Variants in PATJ observed in about 807,000 individuals in gnomAD.
The protein encoded by PATJ is PATJ crumbs cell polarity complex component.
A neutral mutation model predicts 224.9 loss-of-function variants in PATJ; 190 were observed. That is an observed-to-expected ratio of 0.84 (90% confidence interval 0.75 to 0.95). The LOEUF is 0.95. Among genes scored for constraint, PATJ ranks in the 40% least tolerant of loss-of-function variants. The pLI is 0.00. For missense variants in PATJ, 2,121 were observed against 2,270.3 expected (o/e 0.93, Z 1.34); for synonymous variants, 769 against 820.3 (o/e 0.94, Z 1.07).
intron 30 of PATJ, 128 bp downstream of exon 30, chr1:62,038,177 T>C: frequency 1.9e-6 from 1 of 518,952 alleles, no homozygotes; most frequent in Non-Finnish European, 3.5e-6. Context: ...CTAACCAAAA[T>C]GGAAAGTATT....
intron 21 of PATJ, among the ~76,000 whole-genome samples, chr1:61,881,460 G>A (rs1409358963): frequency 5.4e-5 from 8 of 147,794 alleles, no homozygotes; most frequent in Middle Eastern, 3.5e-3. Flanking sequence ...ACTCAGGCTG[G>A]AAGTGCAGTG....
chr1:61,823,221 T>G (rs2148725300), intron 15 of PATJ, 142 bp downstream of exon 15: 1 of 738,520 alleles, frequency 1.4e-6, no homozygotes. Flanking sequence ...CCGAACAGCT[T>G]ACTGGATGAT....
intron 21 of PATJ, among the ~76,000 whole-genome samples, chr1:61,879,026 C>T (rs534561206): frequency 1.3e-5 from 2 of 152,280 alleles, no homozygotes; most frequent in African/African-American, 2.4e-5. Flanking sequence ...CCTCATGATC[C>T]GCCCACCTTG....
chr1:61,794,420 C>T (rs1465235041), intron 9 of PATJ, among the ~76,000 whole-genome samples: 4 of 152,154 alleles, frequency 2.6e-5, no homozygotes, highest in Admixed American at 2.6e-4. Context: ...GCTGGGATTA[C>T]AACTGTGAAC....
At chr1:61,987,106 G>A (rs116686373) in intron 27 of PATJ, among the ~76,000 whole-genome samples, 3,650 of 151,646 alleles carry the variant, frequency 0.024, 92 homozygotes, top group African/African-American at 0.056. Context: ...TTAAGATCTT[G>A]GGTTTTTTGC....
At chr1:61,811,547 A>G (rs369966407) in intron 14 of PATJ, among the ~76,000 whole-genome samples, 4 of 151,482 alleles carry the variant, frequency 2.6e-5, no homozygotes, top group Admixed American at 2.6e-4. Flanking sequence ...TATTTTTATT[A>G]TTATCATATA....
At chr1:62,013,927 C>T (rs188107599) in intron 28 of PATJ, among the ~76,000 whole-genome samples, 44 of 152,308 alleles carry the variant, frequency 2.9e-4, no homozygotes, top group Non-Finnish European at 5.0e-4. Context: ...GCGCCTGACA[C>T]GATGCCCAGC....
intron 14 of PATJ, among the ~76,000 whole-genome samples, chr1:61,813,676 A>T (rs2148666682): frequency 6.6e-6 from 1 of 152,156 alleles, no homozygotes; most frequent in East Asian, 1.9e-4. Context: ...CGTATAGGTG[A>T]TATGTGCCAT....
At chr1:61,903,527 A>T (rs2149176426) in intron 24 of PATJ, among the ~76,000 whole-genome samples, 1 of 152,032 alleles carries the variant, frequency 6.6e-6, no homozygotes, top group Non-Finnish European at 1.5e-5. Context: ...ATTCTTACTA[A>T]TTTTTTTGGT....
At position 61,747,186 on chromosome 1, in the gene PATJ, CTATGT is replaced by C. The variant is rs113191986; in HGVS notation, c.-36+4633_-36+4637del. Among the ~76,000 whole-genome samples the C allele has an allele frequency of 2.2e-3, 317 of 146,730 alleles. 2 individuals are homozygous for C. The highest frequency in any genetic ancestry group is 7.3e-3 in the African/African-American group (303 of 41,308). On this transcript the variant is annotated intron_variant, in intron 1 of 43. Coordinates refer to ENST00000642238, the MANE Select transcript of PATJ (RefSeq NM_001350145.3). ...TACCTTGGTATTTGCATGACCATTGCTATGTTTTCTTCCTTAGGGTTTTGTGTAGA... is the reference window on the plus strand; with the variant it reads ...TACCTTGGTATTTGCATGACCATTGCTTTCTTCCTTAGGGTTTTGTGTAGA...
intron 5 of PATJ, among the ~76,000 whole-genome samples, chr1:61,770,797 CTACTCG>C (rs1646556650): frequency 6.6e-6 from 1 of 151,844 alleles, no homozygotes; most frequent in South Asian, 2.1e-4. Context: ...GTAGTCTCAG[CTACTCG>C]TGAGACTGAG....
chr1:62,104,347 A>G (rs1254847975), intron 33 of PATJ, among the ~76,000 whole-genome samples: 4 of 152,116 alleles, frequency 2.6e-5, no homozygotes, highest in African/African-American at 9.7e-5. Context: ...ATCCCAACCC[A>G]GTATCTTTTT....
At chr1:61,797,225 G>A in intron 10 of PATJ, 62 bp from the exon 11 acceptor site, 1 of 1,537,918 alleles carries the variant, frequency 6.5e-7, no homozygotes, top group African/African-American at 1.4e-5. Flanking sequence ...ATTCAGTGTT[G>A]CCAGAGCTAA....
At chr1:61,987,955 A>G (rs1262773907) in intron 27 of PATJ, among the ~76,000 whole-genome samples, 1 of 152,156 alleles carries the variant, frequency 6.6e-6, no homozygotes, top group African/African-American at 2.4e-5. Context: ...TCCCAGCACT[A>G]TAAGAGGCCA....
intron 21 of PATJ, among the ~76,000 whole-genome samples, chr1:61,878,537 A>G (rs1667647429): frequency 6.6e-6 from 1 of 152,110 alleles, no homozygotes; most frequent in Non-Finnish European, 1.5e-5. Flanking sequence ...AAAGAGTTTC[A>G]GTGATGATTA....
intron 13 of PATJ, among the ~76,000 whole-genome samples, chr1:61,807,552 A>G (rs1460347594): frequency 6.6e-6 from 1 of 152,190 alleles, no homozygotes; most frequent in East Asian, 1.9e-4. Context: ...ATAACAGACA[A>G]ATTATAAAGA....
intron 28 of PATJ, chr1:62,013,490 G>A: frequency 1.0e-6 from 1 of 985,360 alleles, no homozygotes; most frequent in Non-Finnish European, 1.2e-6. Flanking sequence ...ACCTAGAGGA[G>A]GATGTTGGCT....
chr1:62,083,449 T>C (rs1659541804), intron 32 of PATJ, among the ~76,000 whole-genome samples: 1 of 152,202 alleles, frequency 6.6e-6, no homozygotes, highest in Admixed American at 6.5e-5. Context: ...GAGTTTTTAA[T>C]AGGTTATCTG....
At chr1:61,989,302 T>C (rs367634592) in intron 27 of PATJ, among the ~76,000 whole-genome samples, 35 of 152,158 alleles carry the variant, frequency 2.3e-4, no homozygotes, top group African/African-American at 8.4e-4. Context: ...ATCCATGAAA[T>C]GGATAGTAAC....
Sources: allele counts gnomAD v4.1 joint callset (sites outside exome capture counted in the v4.1 genomes callset), GRCh38; gene constraint gnomAD v4.1.1; transcripts MANE v1.5; gene names NCBI Gene and HGNC (gene_info 2026-07-23, HGNC 2026-07-21).